Variants in TOX2 observed in about 807,000 individuals in gnomAD.
The protein encoded by TOX2 is granulosa cell HMG box 1.
TOX2 carries 15 observed loss-of-function variants against 47.4 expected under a neutral mutation model. That is an observed-to-expected ratio of 0.32 (90% CI 0.21 to 0.49). The LOEUF is 0.49. TOX2 is among the 20% of genes least tolerant of loss of function. The pLI, the probability that TOX2 is intolerant of heterozygous loss-of-function variation, is 0.99. For missense variants in TOX2, 622 were observed against 673.1 expected, an observed-to-expected ratio of 0.92 and a Z score of 0.84; for synonymous variants, 290 against 296.6, an observed-to-expected ratio of 0.98 and a Z score of 0.23.
intron 3 of TOX2, among the ~76,000 whole-genome samples, chr20:44,021,582 G>A (rs973899772): frequency 7.9e-5 from 12 of 152,160 alleles, no homozygotes; most frequent in Admixed American, 6.5e-5. Flanking sequence ...CCTCTGAGAA[G>A]CAGATTAACT....
At chr20:44,039,341 G>C (rs573428969) in intron 3 of TOX2, 1 of 1,275,386 alleles carries the variant, frequency 7.8e-7, no homozygotes, top group East Asian at 5.6e-5. Context: ...GAGAGAGATT[G>C]TACAGATCCT....
chr20:43,983,168 C>T (rs2070198996), intron 2 of TOX2, among the ~76,000 whole-genome samples: 1 of 152,006 alleles, frequency 6.6e-6, no homozygotes, highest in Non-Finnish European at 1.5e-5. Flanking sequence ...CCCGATGCTC[C>T]AGCAGAACGT....
chr20:44,020,397 C>A (rs2070956816), intron 3 of TOX2, among the ~76,000 whole-genome samples: 1 of 152,206 alleles, frequency 6.6e-6, no homozygotes, highest in Non-Finnish European at 1.5e-5. Flanking sequence ...AGCAAACCAC[C>A]ATGGCACATG....
intron 1 of TOX2, among the ~76,000 whole-genome samples, chr20:43,933,824 G>A (rs1053079657): frequency 9.9e-5 from 15 of 152,124 alleles, no homozygotes; most frequent in Admixed American, 9.2e-4. Flanking sequence ...CTCAGCCCCC[G>A]GGGTGTGGGT....
chr20:43,967,172 T>G (rs1302842062), intron 1 of TOX2, among the ~76,000 whole-genome samples: 4 of 152,190 alleles, frequency 2.6e-5, no homozygotes, highest in Non-Finnish European at 5.9e-5. Context: ...AGGTGACAGT[T>G]TCTGTTAAGA....
rs144425255 is a variant in TOX2, at chr20:44,005,043, A to G, written c.166-1504A>G. On this transcript the variant is annotated intron_variant, in intron 2 of 8. Coordinates refer to ENST00000341197, the MANE Select transcript of TOX2 (RefSeq NM_001098797.2). ...CTGATCGTTATGCATTATTTGTATC[A>G]AAACATCACTGTGTACCCCATAAGT... Among the ~76,000 whole-genome samples, 6 of 152,378 alleles carry G rather than the reference A, an allele frequency of 3.9e-5. No individual in the cohort carries two copies. The East Asian group carries it at 1.2e-3, about 29-fold the overall frequency.
chr20:44,039,777 A>G (rs1332968570), intron 3 of TOX2, among the ~76,000 whole-genome samples: 1 of 152,170 alleles, frequency 6.6e-6, no homozygotes, highest in Admixed American at 6.5e-5. Context: ...GGGGAGAGGA[A>G]GTCGAGGTTT....
chr20:44,003,681 C>T (rs1318668852), intron 2 of TOX2, among the ~76,000 whole-genome samples: 1 of 152,094 alleles, frequency 6.6e-6, no homozygotes, highest in Non-Finnish European at 1.5e-5. Flanking sequence ...CCTGGAGTAT[C>T]AGGGAAGACA....
chr20:44,065,104 G>A (rs985735788), intron 6 of TOX2, among the ~76,000 whole-genome samples: 1 of 152,238 alleles, frequency 6.6e-6, no homozygotes, highest in African/African-American at 2.4e-5. Context: ...TGCCTGAAAA[G>A]ATCCAGTTTG....
intron 3 of TOX2, chr20:44,007,205 C>T (rs1032211099): frequency 3.2e-5 from 6 of 185,360 alleles, no homozygotes; most frequent in Non-Finnish European, 6.8e-5. Context: ...ACCATTAACA[C>T]GATTGATTTT....
chr20:44,030,026 C>G (rs1186002789), intron 3 of TOX2, among the ~76,000 whole-genome samples: 1 of 152,194 alleles, frequency 6.6e-6, no homozygotes, highest in Admixed American at 6.5e-5. Flanking sequence ...ATGCTCCACG[C>G]TCATGGCTGG....
rs147807098 is a variant in TOX2 at position 44,061,244 on chromosome 20, C to T, written c.880-3533C>T. ...ATTGAAATGGTAATTAAAAAGTTAC[C>T]AACAAAAAAAGGCCAGGACCAGATA... is the stretch of plus-strand genomic sequence containing the variant. On this transcript the variant is annotated intron_variant, in intron 5 of 8. Coordinates refer to ENST00000341197, the MANE Select transcript of TOX2 (RefSeq NM_001098797.2). 2.0e-5 allele frequency among the ~76,000 whole-genome samples: 3 copies of T among 151,752 alleles called. No individual in the cohort carries two copies. The East Asian group carries it at 5.8e-4, about 29-fold the overall frequency.
chr20:44,054,626 A>G, intron 5 of TOX2, 100 bp downstream of exon 5: 2 of 1,277,980 alleles, frequency 1.6e-6, no homozygotes, highest in Non-Finnish European at 2.2e-6. Flanking sequence ...CTCTGGAACT[A>G]GAGACTCTTA....
At chr20:43,942,327 G>T (rs1011025326) in intron 1 of TOX2, among the ~76,000 whole-genome samples, 3 of 152,162 alleles carry the variant, frequency 2.0e-5, no homozygotes, top group African/African-American at 7.2e-5. Context: ...TCAAACCCAG[G>T]CATTCTGGCC....
At chr20:44,045,956 G>A (rs538336651) in intron 3 of TOX2, among the ~76,000 whole-genome samples, 225 of 152,310 alleles carry the variant, frequency 1.5e-3, no homozygotes, top group African/African-American at 4.8e-3. Context: ...GTGAGAGTGC[G>A]TAAGCTATGG....
chr20:43,976,338 C>T (rs904250626), intron 2 of TOX2, among the ~76,000 whole-genome samples: 2 of 152,200 alleles, frequency 1.3e-5, no homozygotes, highest in African/African-American at 2.4e-5. Context: ...CACCTGTGTT[C>T]CACATGGTCT....
At chr20:43,922,990 G>A (rs1325452173) in intron 1 of TOX2, among the ~76,000 whole-genome samples, 1 of 149,700 alleles carries the variant, frequency 6.7e-6, no homozygotes, top group Non-Finnish European at 1.5e-5. Flanking sequence ...TGGCTGAGCA[G>A]TGCCAATGCC....
intron 1 of TOX2, among the ~76,000 whole-genome samples, chr20:43,940,676 G>A (rs1370547228): frequency 1.3e-5 from 2 of 152,084 alleles, no homozygotes; most frequent in Non-Finnish European, 2.9e-5. Flanking sequence ...TGACTGCAGA[G>A]GATGAGGCAG....
At chr20:44,024,406 C>CTTTTTA (rs1375888641) in intron 3 of TOX2, among the ~76,000 whole-genome samples, 46 of 68,842 alleles carry the variant, frequency 6.7e-4, no homozygotes, top group African/African-American at 2.1e-3. Flanking sequence ...AATGTTTTCC[C>CTTTTTA]TCTTTATGAA....
Sources: gnomAD v4.1 joint callset for allele counts (sites outside exome capture counted in the v4.1 genomes callset) on GRCh38, gnomAD v4.1.1 for gene constraint, MANE v1.5 for transcripts, NCBI Gene and HGNC (gene_info 2026-07-23, HGNC 2026-07-21) for gene names.